RBL2: variants seen among roughly 807,000 people sequenced by gnomAD.
The protein encoded by RBL2 is RB transcriptional corepressor like 2.
A neutral mutation model predicts 126.0 loss-of-function variants in RBL2; 56 were observed. The ratio of observed to expected loss-of-function variants is 0.44; its 90% CI spans 0.36 to 0.56. The LOEUF (loss-of-function observed/expected upper bound fraction) is 0.56. Among genes scored for constraint, RBL2 ranks in the 20% least tolerant of loss-of-function variants. RBL2 has a pLI of 0.00. For missense variants in RBL2, 1,229 were observed against 1,398.2 expected (o/e 0.88, Z 1.93); for synonymous variants, 454 against 478.5 (o/e 0.95, Z 0.67).
At position 53,490,989 on chromosome 16, in the gene RBL2, G is replaced by GTGAT. The variant is rs1241371079; in HGVS notation, c.*690_*693dup. 1.6e-4 allele frequency: 25 copies of GTGAT among 152,724 alleles called. 1 individual carries two copies. Among genetic ancestry groups the GTGAT allele is most frequent in the African/African-American group, 5.8e-4 (24 of 41,558 alleles). The allele number at this position is 152,724 out of a possible 1,614,324, so 9.5% of individuals were successfully genotyped here. Reference sequence around the variant, plus strand: ...GTAACCCAGATTTTGCTGTATATTTGTGATAGCACTTTCTACAATGTGAAC... The same window carrying GTGAT: ...GTAACCCAGATTTTGCTGTATATTTGTGATTGATAGCACTTTCTACAATGTGAAC... On this transcript the variant is annotated 3_prime_UTR_variant, in exon 22 of 22. Coordinates refer to ENST00000262133, the MANE Select transcript of RBL2 (RefSeq NM_005611.4).
Position 53,434,585 on chromosome 16 carries a change from C to T in RBL2, c.29C>T (p.Pro10Leu). The change falls in exon 1 of 22, where the codon CCG (proline) becomes CTG (leucine). Residue 10 changes from proline to leucine, a missense_variant. Coordinates refer to ENST00000262133, the MANE Select transcript of RBL2 (RefSeq NM_005611.4). Reference protein sequence around the residue: MPSGGDQSPPPPPPPPAAAA... With the variant: MPSGGDQSPLPPPPPPAAAA... Reference sequence around the variant, plus strand: ...CCGTCGGGAGGTGACCAGTCGCCACCGCCCCCGCCTCCCCCTCCGGCGGCG... The same window carrying T: ...CCGTCGGGAGGTGACCAGTCGCCACTGCCCCCGCCTCCCCCTCCGGCGGCG... 1.3e-6 allele frequency: 2 copies of T among 1,537,190 alleles called. No homozygotes were observed. Among genetic ancestry groups the T allele is most frequent in the Non-Finnish European group, 1.7e-6 (2 of 1,150,808 alleles).
At chr16:53,477,407 A>G (rs972989315) in intron 17 of RBL2, among the ~76,000 whole-genome samples, 84 of 152,118 alleles carry the variant, frequency 5.5e-4, no homozygotes, top group Non-Finnish European at 1.2e-4. Context: ...GTGCAATCTC[A>G]ACTCACTGTA....
chr16:53,443,658 A>G (rs1449463024), intron 3 of RBL2, among the ~76,000 whole-genome samples: 1 of 152,226 alleles, frequency 6.6e-6, no homozygotes, highest in Non-Finnish European at 1.5e-5. Context: ...ATAAAGTAGA[A>G]ATGAAAATTC....
Position 53,442,818 on chromosome 16 carries a change from CAAG to C in RBL2, c.534_536del (p.Glu180del). On this transcript the variant is annotated inframe_deletion, in exon 3 of 22. Coordinates refer to ENST00000262133, the MANE Select transcript of RBL2 (RefSeq NM_005611.4). ...TTTTCAGGACATCTTTAAATACCCT[CAAG>C]AGGAGCAACCTCGTCAGCAGCGAGG... 3 of 1,613,502 alleles carry C rather than the reference CAAG, an allele frequency of 1.9e-6. No homozygotes were observed. Among genetic ancestry groups the C allele is most frequent in the Non-Finnish European group, 2.5e-6 (3 of 1,179,646 alleles).
intron 4 of RBL2, 96 bp from the exon 5 acceptor site, chr16:53,451,607 T>C: frequency 7.4e-7 from 1 of 1,358,146 alleles, no homozygotes; most frequent in Non-Finnish European, 1.0e-6. Context: ...TTTGTACAAT[T>C]GTTTTGTAAT....
At chr16:53,480,529 A>C in intron 19 of RBL2, 38 bp from the exon 20 acceptor site, 3 of 1,545,074 alleles carry the variant, frequency 1.9e-6, no homozygotes, top group Non-Finnish European at 2.6e-6. Flanking sequence ...CAATATTAGC[A>C]GCCTTTGTAC....
intron 7 of RBL2, 40 bp downstream of exon 7, chr16:53,453,809 G>T (rs939571375): frequency 1.4e-6 from 2 of 1,465,480 alleles, no homozygotes; most frequent in Admixed American, 2.0e-5. Flanking sequence ...ATTTTAAATT[G>T]TATACTTAGG....
chr16:53,435,881 T>C (rs1240687510), intron 1 of RBL2: 1 of 889,322 alleles, frequency 1.1e-6, no homozygotes, highest in African/African-American at 1.8e-5. Context: ...AGATAGTGTA[T>C]GGTGGCTTTA....
In RBL2 at chr16:53,491,114, A is replaced by C. The variant is rs1961417662; in HGVS notation, c.*814A>C. 1 of 152,590 alleles carries C rather than the reference A, an allele frequency of 6.6e-6. No individual in the cohort carries two copies. The highest frequency in any genetic ancestry group is 2.1e-4 in the South Asian group (1 of 4,834). The allele number at this position is 152,590 out of a possible 1,614,324, so 9.5% of individuals were successfully genotyped here. On this transcript the variant is annotated 3_prime_UTR_variant, in exon 22 of 22. Transcript: ENST00000262133. ...AAACCCCTATAGCCACCTTTTGGGA[A>C]TGTTTTAAATTCTCCAGTTTTTTGT... is the stretch of plus-strand genomic sequence containing the variant.
chr16:53,436,973 C>T (rs1735662014), intron 1 of RBL2, among the ~76,000 whole-genome samples: 1 of 152,132 alleles, frequency 6.6e-6, no homozygotes, highest in South Asian at 2.1e-4. Context: ...TCCATTTTGT[C>T]ATCTAAGCAC....
intron 21 of RBL2, chr16:53,488,525 G>A (rs995140084): frequency 2.0e-5 from 3 of 152,174 alleles, no homozygotes; most frequent in African/African-American, 7.2e-5. Context: ...TCATCTTGAC[G>A]TAATAGGTGA....
intron 21 of RBL2, among the ~76,000 whole-genome samples, chr16:53,487,413 C>T (rs1406032829): frequency 6.6e-6 from 1 of 152,162 alleles, no homozygotes. Context: ...TGATTTTCAA[C>T]AAAGGTGCAA....
intron 4 of RBL2, among the ~76,000 whole-genome samples, chr16:53,448,073 A>G (rs2058079491): frequency 6.6e-6 from 1 of 152,248 alleles, no homozygotes. Context: ...ATAAAATGCA[A>G]AGTTAACAAA....
Position 53,434,801 on chromosome 16 carries a change from G to A in RBL2, c.240+5G>A. The A allele has an allele frequency of 6.7e-7, 1 of 1,486,914 alleles. No homozygotes were observed. Among genetic ancestry groups the A allele is most frequent in the Non-Finnish European group, 9.0e-7 (1 of 1,116,118 alleles). The allele number at this position is 1,486,914 out of a possible 1,614,324, so 92.1% of individuals were successfully genotyped here. A position where few individuals can be genotyped will look rare whatever the true frequency, so the allele number is the denominator to read the frequency against. ...AGCGAAAGCTACACGCTGGAGGTGC[G>A]CTCGCGGGCGGAGGGGCGCTTCCGG... is the stretch of plus-strand genomic sequence containing the variant. On this transcript the variant is annotated splice_donor_5th_base_variant and intron_variant, in intron 1 of 21. Transcript: ENST00000262133.
chr16:53,439,200 C>G lies in RBL2; in HGVS notation c.371+54C>G, dbSNP rs562486449. On this transcript the variant is annotated intron_variant, in intron 2 of 21. Coordinates refer to ENST00000262133, the MANE Select transcript of RBL2 (RefSeq NM_005611.4). Reference sequence around the variant, plus strand: ...GTATGGCTAATGTAAGCTCATAAATCATAGTGATAGTAAGAATTATCTCTG... The same window carrying G: ...GTATGGCTAATGTAAGCTCATAAATGATAGTGATAGTAAGAATTATCTCTG... 50 of 1,405,930 alleles carry G rather than the reference C, an allele frequency of 3.6e-5. 1 individual carries two copies. The South Asian group carries it at 7.9e-4, about 22-fold the overall frequency. 87.1% of individuals were successfully genotyped at this position (1,405,930 alleles called of 1,614,324 possible).
chr16:53,436,569 C>T (rs534985057), intron 1 of RBL2, among the ~76,000 whole-genome samples: 13 of 152,230 alleles, frequency 8.5e-5, no homozygotes, highest in African/African-American at 3.1e-4. Context: ...CAGTGAGGTA[C>T]GCTGTGACAA....
Position 53,440,204 on chromosome 16 carries a change from G to A in RBL2, c.371+1058G>A, listed in dbSNP as rs113960292. On this transcript the variant is annotated intron_variant, in intron 2 of 21. Transcript: ENST00000262133. ...TTAGCTACTCAGGAAGCCGAGTCAG[G>A]AAAATCACTTGAGCCCAGGAGGCAG... 4.7e-4 allele frequency among the ~76,000 whole-genome samples: 72 copies of A among 152,154 alleles called. 1 individual carries two copies. The highest frequency in any genetic ancestry group is 1.3e-3 in the African/African-American group (53 of 41,518).
chr16:53,461,028 C>T (rs1271638877), intron 9 of RBL2, among the ~76,000 whole-genome samples: 4 of 152,130 alleles, frequency 2.6e-5, no homozygotes, highest in African/African-American at 9.7e-5. Flanking sequence ...TTTTACACCC[C>T]TTCATTCTAT....
At position 53,490,981 on chromosome 16, in the gene RBL2, G is replaced by C. The variant is rs540785601; in HGVS notation, c.*681G>C. 2.6e-5 allele frequency: 4 copies of C among 152,732 alleles called. No homozygotes were observed. In the East Asian group the frequency reaches 7.7e-4, roughly 29 times the overall value. The allele number at this position is 152,732 out of a possible 1,614,324, so 9.5% of individuals were successfully genotyped here. ...ATGATTTTGTAACCCAGATTTTGCT[G>C]TATATTTGTGATAGCACTTTCTACA... is the stretch of plus-strand genomic sequence containing the variant. On this transcript the variant is annotated 3_prime_UTR_variant, in exon 22 of 22. Coordinates refer to ENST00000262133, the MANE Select transcript of RBL2 (RefSeq NM_005611.4).
Sources: gnomAD v4.1 joint callset for allele counts (sites outside exome capture counted in the v4.1 genomes callset) on GRCh38, gnomAD v4.1.1 for gene constraint, MANE v1.5 for transcripts, NCBI Gene and HGNC (gene_info 2026-07-23, HGNC 2026-07-21) for gene names.